The following RYR2 variants were observed in gnomAD, a reference collection of about 807,000 sequenced individuals.
RYR2 encodes ryanodine receptor 2, also known as cardiac muscle ryanodine receptor-calcium release channel.
A neutral mutation model predicts 601.1 loss-of-function variants in RYR2; 227 were observed. The observed-to-expected ratio is 0.38, with a 90% confidence interval of 0.34 to 0.42. The LOEUF (loss-of-function observed/expected upper bound fraction) is 0.42, where lower values mean the gene tolerates loss of function less well. Among genes scored for constraint, RYR2 ranks in the 10% least tolerant of loss-of-function variants. The pLI, the probability that RYR2 is intolerant of heterozygous loss-of-function variation, is 1.00. For synonymous variants in RYR2, 2,223 were observed against 2,175.1 expected (o/e 1.02, Z -0.61); for missense variants, 4,646 against 6,156.5 (o/e 0.75, Z 8.21).
chr1:237,813,190 G>C (rs1661435773), intron 100 of RYR2, among the ~76,000 whole-genome samples: 1 of 152,164 alleles, frequency 6.6e-6, no homozygotes, highest in African/African-American at 2.4e-5. Context: ...CACAAGGGAG[G>C]TGCAGAAGGT....
intron 16 of RYR2, among the ~76,000 whole-genome samples, chr1:237,456,956 C>T (rs536200996): frequency 2.0e-5 from 3 of 152,142 alleles, no homozygotes; most frequent in East Asian, 3.9e-4. Context: ...AAAAAAATCA[C>T]ATAATAGCTA....
intron 1 of RYR2, among the ~76,000 whole-genome samples, chr1:237,122,862 C>A (rs1981177): frequency 0.88 from 133,789 of 151,988 alleles, 59,504 homozygotes; most frequent in South Asian, 0.98. Flanking sequence ...AAATAATTTC[C>A]TTGAAGGTTA....
intron 1 of RYR2, among the ~76,000 whole-genome samples, chr1:237,214,559 A>G (rs1572228659): frequency 6.6e-6 from 1 of 152,296 alleles, no homozygotes; most frequent in East Asian, 1.9e-4. Context: ...ACTGCAAGGT[A>G]TTCATGAGAG....
chr1:237,827,783 A>G (rs1663296233), intron 101 of RYR2, among the ~76,000 whole-genome samples: 1 of 151,828 alleles, frequency 6.6e-6, no homozygotes, highest in South Asian at 2.1e-4. Flanking sequence ...CTAAAAATAC[A>G]AAAATTAGCC....
intron 17 of RYR2, among the ~76,000 whole-genome samples, chr1:237,477,390 A>C (rs901190195): frequency 2.0e-5 from 3 of 151,892 alleles, no homozygotes; most frequent in South Asian, 2.1e-4. Context: ...ACTCCGTCTC[A>C]AAAAAAAGAA....
At chr1:237,390,613 T>C (rs939361754) in intron 10 of RYR2, among the ~76,000 whole-genome samples, 5 of 152,172 alleles carry the variant, frequency 3.3e-5, no homozygotes, top group African/African-American at 1.2e-4. Flanking sequence ...GATGACAGAA[T>C]GGCAGAGCAT....
At chr1:237,669,211 A>G (rs1416069068) in intron 58 of RYR2, among the ~76,000 whole-genome samples, 1 of 149,480 alleles carries the variant, frequency 6.7e-6, no homozygotes, top group Non-Finnish European at 1.5e-5. Flanking sequence ...ACAGATCAAC[A>G]GGATCCCAAG....
At chr1:237,210,446 A>G (rs1252561209) in intron 1 of RYR2, among the ~76,000 whole-genome samples, 5 of 152,160 alleles carry the variant, frequency 3.3e-5, no homozygotes. Flanking sequence ...AAATTAATAT[A>G]GCAATCCCTG....
chr1:237,506,135 A>G lies in RYR2; in HGVS notation c.2614-575A>G, dbSNP rs75206094. Among the ~76,000 whole-genome samples, 1,210 of 146,710 alleles carry G rather than the reference A, an allele frequency of 8.2e-3. 23 individuals are homozygous for G. The highest frequency in any genetic ancestry group is 0.049 in the East Asian group (244 of 5,012). On this transcript the variant is annotated intron_variant, in intron 22 of 104. Coordinates refer to ENST00000366574, the MANE Select transcript of RYR2 (RefSeq NM_001035.3). ...GGTAGTAGCCCCATATCCATTAAACATCTTTTGGTTGTCCCCACCAACACT... is the reference window on the plus strand; with the variant it reads ...GGTAGTAGCCCCATATCCATTAAACGTCTTTTGGTTGTCCCCACCAACACT...
At chr1:237,659,499 A>T (rs998356162) in intron 54 of RYR2, among the ~76,000 whole-genome samples, 4 of 152,214 alleles carry the variant, frequency 2.6e-5, no homozygotes, top group Admixed American at 2.0e-4. Flanking sequence ...AGGTGGCATT[A>T]TTCAGAGAAG....
intron 20 of RYR2, among the ~76,000 whole-genome samples, chr1:237,499,335 A>G (rs2150467153): frequency 6.6e-6 from 1 of 152,292 alleles, no homozygotes; most frequent in Middle Eastern, 3.4e-3. Flanking sequence ...GAGGACCAAA[A>G]GTATAAAAAA....
At chr1:237,164,858 A>G (rs1403865783) in intron 1 of RYR2, among the ~76,000 whole-genome samples, 6 of 151,792 alleles carry the variant, frequency 4.0e-5, no homozygotes, top group Non-Finnish European at 8.8e-5. Flanking sequence ...TCCTGTCCAT[A>G]CTCCGTATAC....
At chr1:237,331,707 G>C (rs1415182182) in intron 3 of RYR2, among the ~76,000 whole-genome samples, 2 of 151,260 alleles carry the variant, frequency 1.3e-5, no homozygotes, top group East Asian at 3.9e-4. Flanking sequence ...GTAGAGACGG[G>C]GTTTCACCAT....
chr1:237,693,539 C>G (rs80209234), intron 63 of RYR2, among the ~76,000 whole-genome samples: 3,022 of 152,200 alleles, frequency 0.02, 111 homozygotes, highest in African/African-American at 0.068. Context: ...TTACAAAAAG[C>G]CAGCATTTTG....
chr1:237,572,715 C>A (rs1672826682), intron 29 of RYR2, among the ~76,000 whole-genome samples: 1 of 152,040 alleles, frequency 6.6e-6, no homozygotes, highest in African/African-American at 2.4e-5. Flanking sequence ...AGGTTATAAG[C>A]TTTATGTAGC....
At chr1:237,137,469 T>C (rs1418079052) in intron 1 of RYR2, among the ~76,000 whole-genome samples, 2 of 152,228 alleles carry the variant, frequency 1.3e-5, no homozygotes, top group African/African-American at 4.8e-5. Flanking sequence ...AGAACAGGCG[T>C]GAACCTGAGG....
At chr1:237,805,272 T>C (rs1660486827) in intron 98 of RYR2, among the ~76,000 whole-genome samples, 1 of 152,046 alleles carries the variant, frequency 6.6e-6, no homozygotes, top group African/African-American at 2.4e-5. Context: ...CTGATACAGC[T>C]AACTAGAATT....
At chr1:237,343,055 A>G (rs1362756383) in intron 3 of RYR2, among the ~76,000 whole-genome samples, 3 of 152,132 alleles carry the variant, frequency 2.0e-5, no homozygotes, top group Admixed American at 1.3e-4. Flanking sequence ...AAAGATAAAA[A>G]AAATTAGCTG....
rs1007200987 is a variant in RYR2, at chr1:237,741,836, A to G, written c.11092-460A>G. Among the ~76,000 whole-genome samples the G allele has an allele frequency of 6.6e-4, 101 of 152,156 alleles. 1 individual carries two copies. The highest frequency in any genetic ancestry group is 6.6e-3 in the Admixed American group (101 of 15,276). ...AGGCTGGTCTGGAACTCCTGACCTCAGGTGATCTGCCCGCTACTGCCTCCC... is the reference window on the plus strand; with the variant it reads ...AGGCTGGTCTGGAACTCCTGACCTCGGGTGATCTGCCCGCTACTGCCTCCC... On this transcript the variant is annotated intron_variant, in intron 79 of 104. Coordinates refer to ENST00000366574, the MANE Select transcript of RYR2 (RefSeq NM_001035.3).
Sources: gnomAD v4.1 joint callset for allele counts (sites outside exome capture counted in the v4.1 genomes callset) on GRCh38, gnomAD v4.1.1 for gene constraint, MANE v1.5 for transcripts, NCBI Gene and HGNC (gene_info 2026-07-23, HGNC 2026-07-21) for gene names.